The following PHLPP1 variants were observed in gnomAD, a reference collection of about 807,000 sequenced individuals.
PHLPP1 encodes PH domain and leucine rich repeat protein phosphatase 1.
A neutral mutation model predicts 117.2 loss-of-function variants in PHLPP1; 42 were observed. That is an observed-to-expected ratio of 0.36 (90% CI 0.28 to 0.46). The LOEUF (loss-of-function observed/expected upper bound fraction) is 0.46, where lower values mean the gene tolerates loss of function less well. PHLPP1 is among the 20% of genes least tolerant of loss of function. The pLI is 1.00. For missense variants in PHLPP1, 2,084 were observed against 2,241.9 expected, an observed-to-expected ratio of 0.93 and a Z score of 1.42; for synonymous variants, 1,042 against 970.7, an observed-to-expected ratio of 1.07 and a Z score of -1.37.
At chr18:62,722,589 C>G (rs1442844548) in intron 1 of PHLPP1, among the ~76,000 whole-genome samples, 1 of 152,080 alleles carries the variant, frequency 6.6e-6, no homozygotes, top group Admixed American at 6.6e-5. Flanking sequence ...GGTTTTGAAT[C>G]TGGCCTGACG....
rs1910746707 is a variant in PHLPP1, at chr18:62,716,590, C to T, written c.907C>T (p.Pro303Ser). ...GPPRAPPADL[P>S]LPVGGPGGWS... ...TCCGCGCGCGCCCCCCGCCGACCTA[C>T]CCCTGCCCGTCGGCGGCCCGGGCGG... is the stretch of plus-strand genomic sequence containing the variant. Residue 303 changes from proline (P) to serine (S), a missense_variant, in exon 1 of 17, where the codon CCC becomes TCC. Around this residue, in one of 2 missense-constraint regions of PHLPP1, gnomAD observed 719 missense variants for 636.0 expected, o/e 1.13. Transcript: ENST00000262719. The surrounding 1 kb of genome is among the most constrained non-coding windows in gnomAD (Gnocchi z 5.7). The T allele has an allele frequency of 3.9e-6, 5 of 1,296,804 alleles. No homozygotes were observed. Among genetic ancestry groups the T allele is most frequent in the African/African-American group, 3.1e-5 (2 of 64,118 alleles). The allele number at this position is 1,296,804 out of a possible 1,614,324, so 80.3% of individuals were successfully genotyped here. A position where few individuals can be genotyped will look rare whatever the true frequency, so the allele number is the denominator to read the frequency against.
At chr18:62,797,074 C>T (rs1401742900) in intron 1 of PHLPP1, among the ~76,000 whole-genome samples, 1 of 152,118 alleles carries the variant, frequency 6.6e-6, no homozygotes, top group Admixed American at 6.5e-5. Flanking sequence ...GATCTTATTT[C>T]ATATAAATCT....
intron 10 of PHLPP1, among the ~76,000 whole-genome samples, chr18:62,933,054 C>T (rs1042990990): frequency 3.9e-5 from 6 of 152,036 alleles, no homozygotes; most frequent in East Asian, 1.9e-4. Flanking sequence ...TACATTTATC[C>T]GAGGAGGTGA....
In PHLPP1 at chr18:62,717,665, C is replaced by T. The variant is rs537521977; in HGVS notation, c.1576+406C>T. On this transcript the variant is annotated intron_variant, in intron 1 of 16. Coordinates refer to ENST00000262719, the MANE Select transcript of PHLPP1 (RefSeq NM_194449.4). ...CAGAAGAAATGACAATAAAAATGCTCTATCACACTTTTGCCTGCATTTGAC... is the reference window on the plus strand; with the variant it reads ...CAGAAGAAATGACAATAAAAATGCTTTATCACACTTTTGCCTGCATTTGAC... 2.6e-5 allele frequency among the ~76,000 whole-genome samples: 4 copies of T among 152,288 alleles called. No homozygotes were observed. The South Asian group carries it at 8.3e-4, about 32-fold the overall frequency.
intron 4 of PHLPP1, among the ~76,000 whole-genome samples, chr18:62,868,603 C>G (rs1377182009): frequency 7.0e-6 from 1 of 143,116 alleles, no homozygotes; most frequent in Non-Finnish European, 1.5e-5. Flanking sequence ...GCCTGAGTGA[C>G]TGAGCGAGAC....
In PHLPP1 at chr18:62,920,129, C is replaced by T; in HGVS notation, c.2960+15C>T. Reference sequence around the variant, plus strand: ...AAGGCTGACAGGTAAAGCCATTTGTCTTGTTTATCATCTGAGTCTATAAAT... The same window carrying T: ...AAGGCTGACAGGTAAAGCCATTTGTTTTGTTTATCATCTGAGTCTATAAAT... On this transcript the variant is annotated intron_variant, in intron 10 of 16. Transcript: ENST00000262719. The T allele has an allele frequency of 6.2e-7, 1 of 1,610,044 alleles. No individual in the cohort carries two copies.
intron 12 of PHLPP1, among the ~76,000 whole-genome samples, chr18:62,956,678 G>T (rs1282271551): frequency 6.6e-6 from 1 of 152,012 alleles, no homozygotes; most frequent in Non-Finnish European, 1.5e-5. Flanking sequence ...AGATTTAAGG[G>T]TATATTTTTC....
chr18:62,847,153 T>C (rs919036992), intron 3 of PHLPP1, among the ~76,000 whole-genome samples: 4 of 152,350 alleles, frequency 2.6e-5, no homozygotes, highest in Middle Eastern at 3.4e-3. Context: ...AATTAGACTA[T>C]TACCATTTTA....
chr18:62,827,626 G>T (rs1431491991), intron 1 of PHLPP1, among the ~76,000 whole-genome samples: 3 of 152,212 alleles, frequency 2.0e-5, no homozygotes, highest in African/African-American at 7.2e-5. Flanking sequence ...TTCATTCAGA[G>T]CAAGACCAGA....
chr18:62,720,209 A>G (rs1355002955), intron 1 of PHLPP1, among the ~76,000 whole-genome samples: 1 of 152,172 alleles, frequency 6.6e-6, no homozygotes, highest in Non-Finnish European at 1.5e-5. Context: ...TGCTCGACAT[A>G]AGTTATGGAC....
At chr18:62,854,377 G>A (rs902718899) in intron 3 of PHLPP1, among the ~76,000 whole-genome samples, 1 of 152,186 alleles carries the variant, frequency 6.6e-6, no homozygotes, top group East Asian at 1.9e-4. Context: ...TGGATAAGTT[G>A]TGTGGGATTG....
intron 8 of PHLPP1, among the ~76,000 whole-genome samples, chr18:62,913,686 A>G (rs1917018651): frequency 6.6e-6 from 1 of 151,412 alleles, no homozygotes; most frequent in Admixed American, 6.6e-5. Flanking sequence ...TATCTAAGTA[A>G]TGATCAATTC....
At chr18:62,777,959 A>G (rs1913010220) in intron 1 of PHLPP1, among the ~76,000 whole-genome samples, 1 of 152,144 alleles carries the variant, frequency 6.6e-6, no homozygotes, top group Non-Finnish European at 1.5e-5. Context: ...CTGCTGAAAA[A>G]TCCTCAATAA....
At chr18:62,878,994 T>C (rs1441856344) in intron 4 of PHLPP1, among the ~76,000 whole-genome samples, 1 of 152,230 alleles carries the variant, frequency 6.6e-6, no homozygotes, top group Non-Finnish European at 1.5e-5. Context: ...GTCTACTTAA[T>C]GTTTCCCAAT....
intron 4 of PHLPP1, among the ~76,000 whole-genome samples, chr18:62,879,402 A>ATATGTG (rs1323607015): frequency 1.3e-5 from 2 of 148,258 alleles, no homozygotes; most frequent in African/African-American, 5.2e-5. Flanking sequence ...GGTATTCTGG[A>ATATGTG]TATGTGTGTG....
rs773382540 is a variant in PHLPP1 at position 62,963,521 on chromosome 18, C to T, written c.3560+49C>T. On this transcript the variant is annotated intron_variant, in intron 14 of 16. Transcript: ENST00000262719. ...GAAGAAGTGCCTCCTGCCTGTCTCACTCCTTTAGTTGGGTAGAAAGAAACT... is the reference window on the plus strand; with the variant it reads ...GAAGAAGTGCCTCCTGCCTGTCTCATTCCTTTAGTTGGGTAGAAAGAAACT... The T allele has an allele frequency of 9.3e-6, 11 of 1,177,112 alleles. No homozygotes were observed. The Admixed American group carries it at 1.8e-4, about 19-fold the overall frequency. 72.9% of individuals were successfully genotyped at this position (1,177,112 alleles called of 1,614,324 possible). A position where few individuals can be genotyped will look rare whatever the true frequency, so the allele number is the denominator to read the frequency against.
At position 62,979,089 on chromosome 18, in the gene PHLPP1, A is replaced by G; in HGVS notation, c.4812A>G (p.Pro1604=). The change falls in exon 17 of 17, where the codon CCA becomes CCG. Residue 1604 remains proline, a synonymous_variant. Coordinates refer to ENST00000262719, the MANE Select transcript of PHLPP1 (RefSeq NM_194449.4). ...GIVISANEDE[P]GLPRKADFSA... is the part of the protein sequence containing the mutation. ...TCATCAGCGCCAACGAGGATGAGCC[A>G]GGTCTGCCCAGGAAGGCAGACTTCT... 1 of 1,613,932 alleles carries G rather than the reference A, an allele frequency of 6.2e-7. No homozygotes were observed. The highest frequency in any genetic ancestry group is 1.7e-5 in the Admixed American group (1 of 60,016).
Position 62,716,976 on chromosome 18 carries a change from C to T in PHLPP1, c.1293C>T (p.Arg431=), listed in dbSNP as rs1294714583. 2 of 1,540,748 alleles carry T rather than the reference C, an allele frequency of 1.3e-6. No homozygotes were observed. The highest frequency in any genetic ancestry group is 1.7e-6 in the Non-Finnish European group (2 of 1,146,060). The stretch of plus-strand genomic sequence containing the variant: ...TTGACAGCCCGGGCGGGGCCGTCCG[C>T]GAGGGGTCGTGCGAGGAGAAGGCAG... The part of the protein sequence containing the change: ...RAIDSPGGAV[R]EGSCEEKAAA... The change falls in exon 1 of 17, where the codon CGC becomes CGT. Residue 431 remains arginine (R), a synonymous_variant. Transcript: ENST00000262719. The surrounding 1 kb of genome is among the most constrained non-coding windows in gnomAD (Gnocchi z 5.7).
At chr18:62,860,390 T>C (rs766265404) in intron 3 of PHLPP1, 45 bp from the exon 4 acceptor site, 11 of 1,516,094 alleles carry the variant, frequency 7.3e-6, no homozygotes, top group South Asian at 3.4e-5. Flanking sequence ...AAAGTAGTTA[T>C]AGGATAAGTG....
Sources: gnomAD v4.1 joint callset for allele counts (sites outside exome capture counted in the v4.1 genomes callset) on GRCh38, gnomAD v4.1.1 for gene constraint, gnomAD v4.1.1 regional missense constraint, Gnocchi (gnomAD v3.1) non-coding constraint, MANE v1.5 for transcripts, NCBI Gene and HGNC (gene_info 2026-07-23, HGNC 2026-07-21) for gene names.